Variants in KRT3 observed in about 807,000 individuals in gnomAD.
KRT3 encodes keratin, type II cytoskeletal 3.
Under a neutral mutation model 45.8 loss-of-function variants are expected in KRT3, and 34 were observed. The ratio of observed to expected loss-of-function variants is 0.74; its 90% CI spans 0.57 to 0.99. The LOEUF is 0.99. KRT3 is among the 50% of genes least tolerant of loss of function. KRT3 has a pLI of 0.00. For missense variants in KRT3, 828 were observed against 820.6 expected (o/e 1.01, Z -0.11); for synonymous variants, 367 against 329.0 (o/e 1.12, Z -1.25).
chr12:52,791,098 G>T (rs1939482326), intron 7 of KRT3, 108 bp downstream of exon 7: 3 of 1,538,978 alleles, frequency 1.9e-6, no homozygotes, highest in East Asian at 2.3e-5. Context: ...TCACCACAAG[G>T]CCTCTCTTTA....
Position 52,791,304 on chromosome 12 carries a change from C to A in KRT3, c.1437G>T (p.Ala479=), listed in dbSNP as rs201814725. 1 of 1,614,234 alleles carries A rather than the reference C, an allele frequency of 6.2e-7. No individual in the cohort carries two copies. Among genetic ancestry groups the A allele is most frequent in the Admixed American group, 1.7e-5 (1 of 60,032 alleles). ...GCTCCTGGTAGTCACGTAGCAGCCG[C>A]GCCAGGTCATCCTTCGCCTGCTGTA... ...AALQQAKDDL[A]RLLRDYQELM... The change falls in exon 7 of 9, where the codon GCG becomes GCT. Residue 479 remains alanine (A), a synonymous_variant. Transcript: ENST00000417996.
chr12:52,789,949 G>C lies in KRT3; in HGVS notation c.*93C>G, dbSNP rs996071280. The C allele has an allele frequency of 4.3e-5, 56 of 1,305,368 alleles. No individual in the cohort carries two copies. Among genetic ancestry groups the C allele is most frequent in the South Asian group, 4.2e-4 (33 of 79,464 alleles). 80.9% of individuals were successfully genotyped at this position (1,305,368 alleles called of 1,614,324 possible). On this transcript the variant is annotated 3_prime_UTR_variant, in exon 9 of 9. Coordinates refer to ENST00000417996, the MANE Select transcript of KRT3 (RefSeq NM_057088.3). ...TTCCAGCGCAGAGCCGCGTTCTTGG[G>C]GAGCATGGGGTGGCGCTGGGGGTGT...
chr12:52,795,098 C>T (rs536204668), intron 1 of KRT3, among the ~76,000 whole-genome samples: 63 of 152,302 alleles, frequency 4.1e-4, no homozygotes, highest in African/African-American at 1.5e-3. Context: ...TTGCCTTGGG[C>T]TGCCTGCCCT....
In KRT3 at chr12:52,790,197, C is replaced by A. The variant is rs2121215608; in HGVS notation, c.1732G>T (p.Gly578Cys). The stretch of plus-strand genomic sequence containing the variant: ...CCACCGCTGAAACCGCTGCTGCCGC[C>A]GCCAAATCCACCGCCGATTCCACCG... ...GGGGIGGGFG[G>C]GSSGFSGGSG... Residue 578 changes from glycine to cysteine, a missense_variant, in exon 9 of 9, where the codon GGC (glycine) becomes TGC (cysteine). Gly to Cys is a radical substitution (Grantham distance 159, BLOSUM62 -3). Transcript: ENST00000417996. 1 of 1,549,228 alleles carries A rather than the reference C, an allele frequency of 6.5e-7. No homozygotes were observed. The highest frequency in any genetic ancestry group is 8.7e-7 in the Non-Finnish European group (1 of 1,146,658).
Position 52,789,920 on chromosome 12 carries a change from A to G in KRT3, c.*122T>C, listed in dbSNP as rs991045476. 5.9e-6 allele frequency: 6 copies of G among 1,024,414 alleles called. No homozygotes were observed. The highest frequency in any genetic ancestry group is 1.6e-5 in the African/African-American group (1 of 63,182). The allele number at this position is 1,024,414 out of a possible 1,614,324, so 63.5% of individuals were successfully genotyped here. A position where few individuals can be genotyped will look rare whatever the true frequency, so the allele number is the denominator to read the frequency against. On this transcript the variant is annotated 3_prime_UTR_variant, in exon 9 of 9. Transcript: ENST00000417996. ...CTGGAAGGAGGAGCAAGAGGCCACA[A>G]GCCTTCCAGCGCAGAGCCGCGTTCT...
At chr12:52,794,034 AG>A in intron 2 of KRT3, 76 bp downstream of exon 2, 2 of 1,110,332 alleles carry the variant, frequency 1.8e-6, no homozygotes, top group Non-Finnish European at 2.7e-6. Flanking sequence ...CCCAGCAGTC[AG>A]GGGGCATGTA....
chr12:52,791,957 C>T, intron 5 of KRT3, 141 bp from the exon 6 acceptor site: 1 of 997,402 alleles, frequency 1.0e-6, no homozygotes, highest in East Asian at 2.6e-5. Context: ...AGCAGGGAAA[C>T]CCCCAAGGCA....
intron 8 of KRT3, 134 bp downstream of exon 8, chr12:52,790,704 A>G: frequency 1.2e-6 from 1 of 861,376 alleles, no homozygotes; most frequent in Non-Finnish European, 1.9e-6. Context: ...ACAAAAGCCA[A>G]TCACTTCCCT....
chr12:52,791,080 C>T, intron 7 of KRT3, 126 bp downstream of exon 7: 2 of 1,470,184 alleles, frequency 1.4e-6, no homozygotes, highest in Admixed American at 3.8e-5. Flanking sequence ...CTGGTAGAGG[C>T]AAATGCTTCA....
intron 8 of KRT3, 131 bp downstream of exon 8, chr12:52,790,707 A>G (rs11170279): frequency 0.24 from 206,153 of 866,112 alleles, 26,523 homozygotes; most frequent in African/African-American, 0.43. Context: ...AAAGCCAATC[A>G]CTTCCCTCTC....
intron 7 of KRT3, 86 bp from the exon 8 acceptor site, chr12:52,790,958 G>C: frequency 2.9e-6 from 4 of 1,372,144 alleles, no homozygotes; most frequent in Non-Finnish European, 4.0e-6. Context: ...ATAGCAACCA[G>C]AGCTGAACAG....
At position 52,794,288 on chromosome 12, in the gene KRT3, C is replaced by T. The variant is rs1939591125; in HGVS notation, c.689G>A (p.Trp230Ter). The part of the protein sequence containing the change: ...EQQNKVLETK[W>*]NLLQQQGTSS... ...TGTGCCCTGCTGCTGGAGCAGGTTC[C>T]ACTTGGTCTCCAGGACTTTGTTCTG... The change falls in exon 2 of 9, where the codon TGG becomes TAG. Residue 230 changes from tryptophan to a stop codon, truncating the protein, a stop_gained. Transcript: ENST00000417996. LOFTEE classifies it high-confidence loss of function. 1 of 1,614,050 alleles carries T rather than the reference C, an allele frequency of 6.2e-7. No homozygotes were observed. The highest frequency in any genetic ancestry group is 8.5e-7 in the Non-Finnish European group (1 of 1,180,046).
In KRT3 at chr12:52,791,857, G is replaced by C. The variant is rs1161036215; in HGVS notation, c.1189-41C>G. 7 of 1,594,988 alleles carry C rather than the reference G, an allele frequency of 4.4e-6. No individual in the cohort carries two copies. In the South Asian group the frequency reaches 6.7e-5, roughly 15 times the overall value. On this transcript the variant is annotated intron_variant, in intron 5 of 8. Coordinates refer to ENST00000417996, the MANE Select transcript of KRT3 (RefSeq NM_057088.3). ...GAAGATGGGGTATTCCTGCAGCTTTGCTTGACTTGTTTCTACACCTCCAAC... is the reference window on the plus strand; with the variant it reads ...GAAGATGGGGTATTCCTGCAGCTTTCCTTGACTTGTTTCTACACCTCCAAC...
Position 52,794,191 on chromosome 12 carries a change from C to T in KRT3, c.786G>A (p.Leu262=). The change falls in exon 2 of 9, where the codon CTG becomes CTA. Residue 262 remains leucine (L), a synonymous_variant. Transcript: ENST00000417996. ...ENHINYLRSY[L]DNILGERGRL... ...GCCCTCTCTCCCCGAGGATGTTGTC[C>T]AGGTAGCTCCGCAGGTAGTTGATGT... is the stretch of plus-strand genomic sequence containing the variant. 6.2e-7 allele frequency: 1 copy of T among 1,614,172 alleles called. No homozygotes were observed. The highest frequency in any genetic ancestry group is 1.3e-5 in the African/African-American group (1 of 75,050).
intron 1 of KRT3, 95 bp downstream of exon 1, chr12:52,795,303 T>C (rs1207585388): frequency 6.8e-7 from 1 of 1,460,928 alleles, no homozygotes; most frequent in Non-Finnish European, 9.5e-7. Flanking sequence ...CACCCTCCAG[T>C]CTGGCCTATC....
chr12:52,792,198 G>C, intron 5 of KRT3, 41 bp downstream of exon 5: 1 of 1,588,072 alleles, frequency 6.3e-7, no homozygotes, highest in Non-Finnish European at 8.6e-7. Flanking sequence ...TGGCCTCTCT[G>C]AAACCTCCAG....
At position 52,795,535 on chromosome 12, in the gene KRT3, T is replaced by C. The variant is rs780337762; in HGVS notation, c.508A>G (p.Ile170Val). 4.3e-6 allele frequency: 7 copies of C among 1,614,022 alleles called. No individual in the cohort carries two copies. Among genetic ancestry groups the C allele is most frequent in the South Asian group, 1.1e-5 (1 of 91,064 alleles). ...CTCTGGTTGATAGTCACTTCCTGAA[T>C]TCCCCCAGGAAAGCCCCCAGGGCCA... Reference protein sequence around the residue: ...GFGPGGFPGGIQEVTINQSLL... With the variant: ...GFGPGGFPGGVQEVTINQSLL... Residue 170 changes from isoleucine (I) to valine (V), a missense_variant, in exon 1 of 9, where the codon ATT becomes GTT. Transcript: ENST00000417996.
Position 52,791,764 on chromosome 12 carries a change from G to A in KRT3, c.1241C>T (p.Thr414Ile). Residue 414 changes from threonine (T) to isoleucine (I), a missense_variant, in exon 6 of 9, where the codon ACC becomes ATC. Thr to Ile is a moderately conservative substitution (Grantham distance 89). Transcript: ENST00000417996. ...AGRHGDDLRN[T>I]KSEIIELNRM... ...GTTGAGCTCTATGATCTCGCTCTTG[G>A]TATTTCTTAGGTCATCCCCATGCCT... is the stretch of plus-strand genomic sequence containing the variant. The A allele has an allele frequency of 6.2e-7, 1 of 1,614,038 alleles. No individual in the cohort carries two copies. The highest frequency in any genetic ancestry group is 8.5e-7 in the Non-Finnish European group (1 of 1,179,966).
At chr12:52,791,182 G>A in intron 7 of KRT3, 24 bp downstream of exon 7, 1 of 1,614,014 alleles carries the variant, frequency 6.2e-7, no homozygotes, top group Non-Finnish European at 8.5e-7. Flanking sequence ...CAGGGGGTGT[G>A]GGAAGACGGG....
Sources: gnomAD v4.1 joint callset for allele counts (sites outside exome capture counted in the v4.1 genomes callset) on GRCh38, gnomAD v4.1.1 for gene constraint, MANE v1.5 for transcripts, NCBI Gene and HGNC (gene_info 2026-07-23, HGNC 2026-07-21) for gene names.